The following VPS52 variants were observed in gnomAD, a reference collection of about 807,000 sequenced individuals.
The protein encoded by VPS52 is vacuolar protein sorting-associated protein 52 homolog.
In VPS52, 56 loss-of-function variants were observed where a neutral mutation model predicts 98.7. That is an observed-to-expected ratio of 0.57 (90% CI 0.46 to 0.71). The LOEUF (loss-of-function observed/expected upper bound fraction) is 0.71. VPS52 is among the 30% of genes least tolerant of loss of function. The pLI is 0.00. For missense variants in VPS52, 742 were observed against 925.9 expected (o/e 0.80, Z 2.58); for synonymous variants, 348 against 346.4 (o/e 1.00, Z -0.05).
chr6:33,266,952 C>T (rs993214534), intron 11 of VPS52, among the ~76,000 whole-genome samples: 4 of 152,168 alleles, frequency 2.6e-5, no homozygotes, highest in Non-Finnish European at 5.9e-5. Flanking sequence ...CACCTCAACA[C>T]CTGCCTCTGA....
Position 33,267,365 on chromosome 6 carries a change from G to A in VPS52, c.992-44C>T, listed in dbSNP as rs1310862999. On this transcript the variant is annotated intron_variant, in intron 10 of 19. Transcript: ENST00000445902. This position sits in a 1 kb window ranked among gnomAD's most constrained non-coding sequence, Gnocchi z 4.2. ...AGGGAAAACAATGAGACCATAACTG[G>A]GCCCAAAGACTCACTATCTGTGGGG... 2.0e-6 allele frequency: 3 copies of A among 1,529,206 alleles called. No individual in the cohort carries two copies. The African/African-American group carries it at 4.2e-5, about 21-fold the overall frequency. 94.7% of individuals were successfully genotyped at this position (1,529,206 alleles called of 1,614,324 possible). A position where few individuals can be genotyped will look rare whatever the true frequency, so the allele number is the denominator to read the frequency against.
At chr6:33,252,826 T>C (rs192509227) in intron 17 of VPS52, among the ~76,000 whole-genome samples, 44 of 152,212 alleles carry the variant, frequency 2.9e-4, no homozygotes, top group Non-Finnish European at 1.0e-4. Context: ...ATCTAATTAA[T>C]GTATCTAGGC....
intron 17 of VPS52, among the ~76,000 whole-genome samples, chr6:33,262,040 C>CAAAAAAAAAAAAA (rs9257102): frequency 4.6e-4 from 7 of 15,378 alleles, no homozygotes; most frequent in African/African-American, 1.6e-3. Flanking sequence ...AACTCCATCT[C>CAAAAAAAAAAAAA]AAAAAAAAAA....
intron 17 of VPS52, among the ~76,000 whole-genome samples, chr6:33,259,250 G>A (rs1429530508): frequency 3.9e-5 from 6 of 152,172 alleles, no homozygotes; most frequent in African/African-American, 1.4e-4. Flanking sequence ...GTACATCAAA[G>A]ATTAGTCTTA....
In VPS52 at chr6:33,263,837, A is replaced by G. The variant is rs1395438482; in HGVS notation, c.1663T>C (p.Ser555Pro). 1.2e-6 allele frequency: 2 copies of G among 1,614,248 alleles called. No individual in the cohort carries two copies. Among genetic ancestry groups the G allele is most frequent in the Middle Eastern group, 3.3e-4 (2 of 6,062 alleles). ...NFVLRVAAEF[S>P]SRKEQLVFLI... is the part of the protein sequence containing the mutation. ...AACACAAGCTGCTCCTTCCTTGAGG[A>G]GAACTCAGCTGCCACTCGGAGGACA... is the stretch of plus-strand genomic sequence containing the variant. Residue 555 changes from serine to proline, a missense_variant, in exon 16 of 20, where the codon TCC (serine) becomes CCC (proline). Physicochemically the swap from Ser to Pro is moderately conservative, Grantham distance 74 (BLOSUM62 -1). Transcript: ENST00000445902.
chr6:33,264,101 G>A lies in VPS52; in HGVS notation c.1527C>T (p.Ile509=). The A allele has an allele frequency of 6.2e-7, 1 of 1,613,982 alleles. No individual in the cohort carries two copies. The highest frequency in any genetic ancestry group is 1.1e-5 in the South Asian group (1 of 91,066). ...AGGAGAACTCTGCATAGCGGCGTGT[G>A]ATCTAGGAGAGAGTGGGAAGGAAAA... ...LGGLDTRPHY[I]TRRYAEFSSA... Residue 509 remains isoleucine (I), a splice_region_variant and synonymous_variant, in exon 15 of 20, where the codon ATC becomes ATT. Coordinates refer to ENST00000445902, the MANE Select transcript of VPS52 (RefSeq NM_022553.6).
intron 13 of VPS52, 100 bp downstream of exon 13, chr6:33,264,682 T>G (rs1764079579): frequency 7.1e-7 from 1 of 1,413,578 alleles, no homozygotes; most frequent in East Asian, 2.3e-5. Context: ...GAATAAAGGT[T>G]GATGATACCA....
chr6:33,264,349 CT>C, intron 14 of VPS52, 24 bp downstream of exon 14: 1 of 1,612,774 alleles, frequency 6.2e-7, no homozygotes, highest in South Asian at 1.1e-5. Context: ...TTCAAGAACC[CT>C]TTGTTACCCT....
intron 12 of VPS52, among the ~76,000 whole-genome samples, 164 bp downstream of exon 12, chr6:33,266,393 A>G (rs532695506): frequency 6.6e-6 from 1 of 152,238 alleles, no homozygotes; most frequent in Admixed American, 6.5e-5. Context: ...TTGGACTCCC[A>G]AAGTGCTGGG....
chr6:33,264,137 C>T, intron 14 of VPS52, 34 bp from the exon 15 acceptor site: 1 of 1,609,778 alleles, frequency 6.2e-7, no homozygotes, highest in East Asian at 2.2e-5. Context: ...TCACACCCAC[C>T]TCCTGGCCCA....
chr6:33,263,799 G>A lies in VPS52; in HGVS notation c.1701C>T (p.Asn567=). 3.1e-6 allele frequency: 5 copies of A among 1,614,224 alleles called. No individual in the cohort carries two copies. Among genetic ancestry groups the A allele is most frequent in the Non-Finnish European group, 4.2e-6 (5 of 1,180,050 alleles). Residue 567 remains asparagine, a synonymous_variant, in exon 16 of 20, where the codon AAC becomes AAT. Transcript: ENST00000445902. ...TCAGCACACCCAGCATCATGTCATAGTTGTTGATCAGAAACACAAGCTGCT... is the reference window on the plus strand; with the variant it reads ...TCAGCACACCCAGCATCATGTCATAATTGTTGATCAGAAACACAAGCTGCT... The part of the protein sequence containing the change: ...RKEQLVFLIN[N]YDMMLGVLME...
intron 17 of VPS52, among the ~76,000 whole-genome samples, chr6:33,259,422 C>A (rs112099591): frequency 0.043 from 5,758 of 133,600 alleles, 187 homozygotes; most frequent in African/African-American, 0.093. Context: ...TGGCTATCAT[C>A]ACTAATATTT....
chr6:33,250,783 A>C lies in VPS52; in HGVS notation c.*58T>G. 1 of 1,583,760 alleles carries C rather than the reference A, an allele frequency of 6.3e-7. No individual in the cohort carries two copies. Among genetic ancestry groups the C allele is most frequent in the Non-Finnish European group, 8.6e-7 (1 of 1,162,108 alleles). On this transcript the variant is annotated 3_prime_UTR_variant, in exon 20 of 20. Coordinates refer to ENST00000445902, the MANE Select transcript of VPS52 (RefSeq NM_022553.6). ...GTACCCCAGGTGAAGAAGGGTATGG[A>C]ATGGGGTGCAGAAGTCCATGGAGAT...
chr6:33,256,581 T>C (rs539844637), intron 17 of VPS52, among the ~76,000 whole-genome samples: 2 of 147,784 alleles, frequency 1.4e-5, no homozygotes, highest in African/African-American at 2.5e-5. Context: ...AATTAGTCTA[T>C]AGACAATGTA....
In VPS52 at chr6:33,266,611, T is replaced by C. The variant is rs1292229011; in HGVS notation, c.1227A>G (p.Pro409=). The change falls in exon 12 of 20, where the codon CCA becomes CCG. Residue 409 remains proline (P), a synonymous_variant. Transcript: ENST00000445902. The stretch of plus-strand genomic sequence containing the variant: ...CAGCATGGAACAGGTCGTGTGCAGC[T>C]GGGCCAGACACAACAAAAAATTCAC... ...FICEFFVVSG[P]AAHDLFHAVM... 1.2e-6 allele frequency: 2 copies of C among 1,612,682 alleles called. No homozygotes were observed. The highest frequency in any genetic ancestry group is 3.3e-5 in the Admixed American group (2 of 59,968).
Position 33,263,992 on chromosome 6 carries a change from C to T in VPS52, c.1620+16G>A. 6.2e-7 allele frequency: 1 copy of T among 1,614,202 alleles called. No homozygotes were observed. Among genetic ancestry groups the T allele is most frequent in the Non-Finnish European group, 8.5e-7 (1 of 1,180,002 alleles). On this transcript the variant is annotated intron_variant, in intron 15 of 19. Transcript: ENST00000445902. ...GCAGCCCTGCTGCTGGGAAGTGTCT[C>T]CTGTCCGACCCTCACCTGCAGCTGT...
chr6:33,266,801 G>A, intron 11 of VPS52, 89 bp from the exon 12 acceptor site: 1 of 1,486,272 alleles, frequency 6.7e-7, no homozygotes, highest in Non-Finnish European at 9.1e-7. Context: ...CAGTAAACCT[G>A]AGTAATAAGA....
intron 17 of VPS52, among the ~76,000 whole-genome samples, chr6:33,263,255 C>G (rs1467206426): frequency 8.5e-6 from 1 of 117,304 alleles, no homozygotes; most frequent in Non-Finnish European, 1.7e-5. Context: ...CAGAGTGACA[C>G]TTTGCCTCAA....
At chr6:33,271,202 T>C (rs1562583672) in intron 1 of VPS52, 3 of 593,790 alleles carry the variant, frequency 5.1e-6, no homozygotes, top group Admixed American at 3.0e-5. Context: ...CAATAGGTTC[T>C]ATCTTCCTCA....
Sources: gnomAD v4.1 joint callset for allele counts (sites outside exome capture counted in the v4.1 genomes callset) on GRCh38, gnomAD v4.1.1 for gene constraint, Gnocchi (gnomAD v3.1) non-coding constraint, MANE v1.5 for transcripts, NCBI Gene and HGNC (gene_info 2026-07-23, HGNC 2026-07-21) for gene names.